CX3CR1: variants seen among roughly 807,000 people sequenced by gnomAD.
CX3CR1 encodes CX3C chemokine receptor 1.
For missense variants in CX3CR1, 363 were observed against 432.4 expected, an observed-to-expected ratio of 0.84 and a Z score of 1.42; for synonymous variants, 168 against 178.5, an observed-to-expected ratio of 0.94 and a Z score of 0.47.
At chr3:39,286,317 T>G (rs2040942659), upstream of CX3CR1, 1 of 152,256 alleles carries the variant, frequency 6.6e-6, no homozygotes, top group African/African-American at 2.4e-5. Context: ...CAGGTGATCT[T>G]ATGGATATTT....
At chr3:39,273,666 T>G (rs570866956) in intron 1 of CX3CR1, among the ~76,000 whole-genome samples, 14 of 152,312 alleles carry the variant, frequency 9.2e-5, no homozygotes, top group South Asian at 2.1e-4. Context: ...TGAGACAGGA[T>G]CTCGCTCTGT....
chr3:39,272,039 G>A (rs1368369602), intron 1 of CX3CR1, among the ~76,000 whole-genome samples: 44 of 152,204 alleles, frequency 2.9e-4, no homozygotes, highest in Non-Finnish European at 6.3e-4. Flanking sequence ...TTGTCCCTGA[G>A]GGACACTAGA....
intron 1 of CX3CR1, among the ~76,000 whole-genome samples, chr3:39,270,037 C>G (rs147465156): frequency 1.4e-3 from 215 of 152,386 alleles, no homozygotes; most frequent in African/African-American, 5.0e-3. Context: ...GCCCATCCCA[C>G]AGCTAGAAGC....
At chr3:39,290,679 T>C in the CX3CR1 span, among the ~76,000 whole-genome samples, 2 of 152,248 alleles carry the variant, frequency 1.3e-5, no homozygotes, top group East Asian at 3.9e-4. Context: ...CCCAGCACTT[T>C]GGGAGGCCGA....
At chr3:39,282,330 A>T (rs1226325893), upstream of CX3CR1, among the ~76,000 whole-genome samples, 1 of 151,278 alleles carries the variant, frequency 6.6e-6, no homozygotes, top group Non-Finnish European at 1.5e-5. Context: ...CCGTACTCTC[A>T]CTCTGGTACA....
chr3:39,266,784 A>T, intron 1 of CX3CR1: 5 of 636,634 alleles, frequency 7.9e-6, no homozygotes, highest in Middle Eastern at 5.9e-4. Flanking sequence ...ATTTGGCTCT[A>T]GGCATTTTTT....
In CX3CR1 at chr3:39,265,440, C is replaced by T; in HGVS notation, c.*2G>A. ...TGTAGACACAAGGCTTTGGGATTCC[C>T]TTCAGAGAAGGAGCAATGCATCTCC... On this transcript the variant is annotated 3_prime_UTR_variant, in exon 2 of 2. Coordinates refer to ENST00000399220, the MANE Select transcript of CX3CR1 (RefSeq NM_001337.4). The T allele has an allele frequency of 3.7e-6, 6 of 1,600,434 alleles. No homozygotes were observed. Among genetic ancestry groups the T allele is most frequent in the Non-Finnish European group, 5.1e-6 (6 of 1,171,172 alleles).
At chr3:39,287,955 T>A in the CX3CR1 span, 1 of 151,660 alleles carries the variant, frequency 6.6e-6, no homozygotes, top group Non-Finnish European at 1.5e-5. Flanking sequence ...ATTCAAAAGC[T>A]CACGTATGTG....
At chr3:39,272,174 G>A (rs532311841) in intron 1 of CX3CR1, among the ~76,000 whole-genome samples, 41 of 152,324 alleles carry the variant, frequency 2.7e-4, no homozygotes, top group African/African-American at 9.6e-4. Flanking sequence ...ATCAACTAAG[G>A]CTGCACTTTA....
chr3:39,288,758 C>T, the CX3CR1 span, among the ~76,000 whole-genome samples: 16 of 152,310 alleles, frequency 1.1e-4, no homozygotes, highest in East Asian at 3.1e-3. Flanking sequence ...ATGAGCCAGC[C>T]GGCCCACAAT....
upstream of CX3CR1, among the ~76,000 whole-genome samples, chr3:39,283,648 C>T (rs1170945731): frequency 1.3e-5 from 2 of 150,584 alleles, no homozygotes; most frequent in South Asian, 2.1e-4. Flanking sequence ...GGCGTGGTGG[C>T]GGGTGCCTGT....
chr3:39,291,971 A>G, the CX3CR1 span, among the ~76,000 whole-genome samples: 1 of 152,190 alleles, frequency 6.6e-6, no homozygotes, highest in Non-Finnish European at 1.5e-5. Flanking sequence ...ATGTGGAAGG[A>G]AGGGCTGAAT....
intron 1 of CX3CR1, among the ~76,000 whole-genome samples, chr3:39,273,923 C>T (rs1197248141): frequency 6.6e-6 from 1 of 152,196 alleles, no homozygotes; most frequent in Non-Finnish European, 1.5e-5. Flanking sequence ...AGCCATCATG[C>T]CTGGCCAAGG....
At position 39,265,753 on chromosome 3, in the gene CX3CR1, G is replaced by T; in HGVS notation, c.757C>A (p.Leu253Met). ...FWTPYNVMIF[L>M]ETLKLYDFFP... ...AAGTCATAGAGCTTAAGCGTCTCCA[G>T]GAAAATCATAACGTTGTAGGGTGTC... Residue 253 changes from leucine to methionine, a missense_variant, in exon 2 of 2, where the codon CTG becomes ATG. Leu to Met is a conservative substitution (Grantham distance 15, BLOSUM62 2). Transcript: ENST00000399220. The T allele has an allele frequency of 6.2e-7, 1 of 1,614,172 alleles. No individual in the cohort carries two copies. Among genetic ancestry groups the T allele is most frequent in the East Asian group, 2.2e-5 (1 of 44,888 alleles).
chr3:39,281,312 C>T, upstream of CX3CR1: 1 of 965,642 alleles, frequency 1.0e-6, no homozygotes, highest in Non-Finnish European at 1.3e-6. Context: ...TGACACTGGC[C>T]CCTCCCCACC....
chr3:39,273,411 G>C (rs1559368851), intron 1 of CX3CR1, among the ~76,000 whole-genome samples: 2 of 152,208 alleles, frequency 1.3e-5, no homozygotes, highest in Non-Finnish European at 2.9e-5. Context: ...AAGTCTGAAG[G>C]CTGAAGGTTT....
the CX3CR1 span, chr3:39,287,977 G>A: frequency 6.6e-6 from 1 of 150,388 alleles, no homozygotes; most frequent in East Asian, 1.9e-4. Flanking sequence ...GTGTGTGAGA[G>A]AGATGATTTA....
chr3:39,283,399 C>T (rs1024321518), upstream of CX3CR1, among the ~76,000 whole-genome samples: 2 of 152,052 alleles, frequency 1.3e-5, no homozygotes, highest in Non-Finnish European at 2.9e-5. Flanking sequence ...GGTTCTTGTG[C>T]TTTATGTATA....
upstream of CX3CR1, chr3:39,286,507 C>T (rs567992434): frequency 1.2e-4 from 18 of 151,512 alleles, no homozygotes; most frequent in South Asian, 4.2e-4. Flanking sequence ...AAAAATTAGC[C>T]GGGCGCGGTG....
Sources: gnomAD v4.1 joint callset for allele counts (sites outside exome capture counted in the v4.1 genomes callset) on GRCh38, gnomAD v4.1.1 for gene constraint, MANE v1.5 for transcripts, NCBI Gene and HGNC (gene_info 2026-07-23, HGNC 2026-07-21) for gene names.